Variants in ADAMTSL3 observed in about 807,000 individuals in gnomAD.
ADAMTSL3 encodes the protein ADAMTS-like protein 3.
Under a neutral mutation model 201.7 loss-of-function variants are expected in ADAMTSL3, and 128 were observed. That is an observed-to-expected ratio of 0.63 (90% CI 0.55 to 0.73). The LOEUF (loss-of-function observed/expected upper bound fraction) is 0.73, where lower values mean the gene tolerates loss of function less well. Ranked by LOEUF, ADAMTSL3 falls within the 30% of genes least tolerant of loss-of-function variation. The probability of loss-of-function intolerance (pLI) is 0.00; values close to 1 mark genes in which losing one functional copy is unlikely to be tolerated. For missense variants in ADAMTSL3, 1,990 were observed against 2,119.6 expected, an observed-to-expected ratio of 0.94 and a Z score of 1.20; for synonymous variants, 738 against 748.4, an observed-to-expected ratio of 0.99 and a Z score of 0.23.
At chr15:83,737,604 A>T (rs2141624326) in intron 3 of ADAMTSL3, among the ~76,000 whole-genome samples, 1 of 152,308 alleles carries the variant, frequency 6.6e-6, no homozygotes, top group South Asian at 2.1e-4. Context: ...TCTTTTCTTT[A>T]TAAGTTGCCC....
chr15:83,897,879 G>A lies in ADAMTSL3; in HGVS notation c.1489G>A (p.Gly497Arg). ...GAAGTGCACAGTGACTTGTGGCCGA[G>A]GGTTACGGTACCGGGTTGTTCTGTG... is the stretch of plus-strand genomic sequence containing the variant. ...WSQCTVTCGRGLRYRVVLCIN... is the reference protein window; with the variant it reads ...WSQCTVTCGRRLRYRVVLCIN... Residue 497 changes from glycine to arginine, a missense_variant, in exon 14 of 30, where the codon GGG becomes AGG. Transcript: ENST00000286744. 6.2e-7 allele frequency: 1 copy of A among 1,607,318 alleles called. No homozygotes were observed. Among genetic ancestry groups the A allele is most frequent in the Non-Finnish European group, 8.5e-7 (1 of 1,175,820 alleles).
rs2279925 is a variant in ADAMTSL3 at position 84,036,653 on chromosome 15, T to C, written c.4755-120T>C. The C allele has an allele frequency of 0.073, 52,319 of 714,224 alleles. 2,263 individuals are homozygous for C. Among genetic ancestry groups the C allele is most frequent in the East Asian group, 0.17 (6,428 of 36,878 alleles). The allele number at this position is 714,224 out of a possible 1,614,324, so 44.2% of individuals were successfully genotyped here. ...GCAGAGGAATGTCTTGGTCTTAGACTCTCCATCCAACCTTTAATACGTAGT... is the reference window on the plus strand; with the variant it reads ...GCAGAGGAATGTCTTGGTCTTAGACCCTCCATCCAACCTTTAATACGTAGT... On this transcript the variant is annotated intron_variant, in intron 28 of 29. Coordinates refer to ENST00000286744, the MANE Select transcript of ADAMTSL3 (RefSeq NM_207517.3).
chr15:83,675,332 G>A (rs1313797008), intron 2 of ADAMTSL3, among the ~76,000 whole-genome samples: 1 of 151,926 alleles, frequency 6.6e-6, no homozygotes. Flanking sequence ...TCATGAATAG[G>A]TGTTTAATTA....
intron 16 of ADAMTSL3, among the ~76,000 whole-genome samples, chr15:83,922,038 G>A (rs886249381): frequency 6.6e-6 from 1 of 152,148 alleles, no homozygotes; most frequent in Non-Finnish European, 1.5e-5. Flanking sequence ...AACACTTGAT[G>A]TATTATGTCC....
chr15:83,722,897 TA>T (rs1052772428), intron 3 of ADAMTSL3, among the ~76,000 whole-genome samples: 3 of 152,144 alleles, frequency 2.0e-5, no homozygotes, highest in Admixed American at 6.5e-5. Flanking sequence ...AATTTAACCA[TA>T]AAAACATAAA....
At chr15:83,975,028 G>T (rs558652474) in intron 20 of ADAMTSL3, among the ~76,000 whole-genome samples, 181 of 135,832 alleles carry the variant, frequency 1.3e-3, no homozygotes, top group African/African-American at 4.9e-3. Flanking sequence ...TTTTGAGACG[G>T]AGTCTCGCTC....
intron 7 of ADAMTSL3, among the ~76,000 whole-genome samples, chr15:83,842,282 C>G (rs1455324036): frequency 6.6e-6 from 1 of 152,004 alleles, no homozygotes; most frequent in East Asian, 2.0e-4. Context: ...ACCGAAAGCC[C>G]TCTGTCCTTG....
At chr15:83,811,197 G>C (rs1329756628) in intron 5 of ADAMTSL3, among the ~76,000 whole-genome samples, 1 of 152,180 alleles carries the variant, frequency 6.6e-6, no homozygotes, top group Non-Finnish European at 1.5e-5. Context: ...GCAGGTTCCA[G>C]GGGTTAGGTC....
intron 8 of ADAMTSL3, among the ~76,000 whole-genome samples, chr15:83,859,218 T>C (rs911448344): frequency 2.0e-5 from 3 of 152,222 alleles, no homozygotes; most frequent in Admixed American, 2.0e-4. Flanking sequence ...AGGTGGAATA[T>C]CTTGAAGTGG....
In ADAMTSL3 at chr15:83,849,743, G is replaced by GT. The variant is rs148252962; in HGVS notation, c.728-9022dup. 8.3e-3 allele frequency among the ~76,000 whole-genome samples: 1,269 copies of GT among 152,254 alleles called. 12 individuals carry two copies. Among genetic ancestry groups the GT allele is most frequent in the African/African-American group, 0.029 (1,217 of 41,554 alleles). Reference sequence around the variant, plus strand: ...GAAGGGTAAGATAAAGAAAGCGTGGGTAATAGTCTTTGTATCAGTGCAAGT... The same window carrying GT: ...GAAGGGTAAGATAAAGAAAGCGTGGGTTAATAGTCTTTGTATCAGTGCAAGT... On this transcript the variant is annotated intron_variant, in intron 7 of 29. Coordinates refer to ENST00000286744, the MANE Select transcript of ADAMTSL3 (RefSeq NM_207517.3).
intron 19 of ADAMTSL3, among the ~76,000 whole-genome samples, chr15:83,953,058 A>T (rs916243977): frequency 2.0e-5 from 3 of 152,134 alleles, no homozygotes; most frequent in African/African-American, 7.2e-5. Context: ...CAACAGATCA[A>T]TGGCTCTTGT....
intron 2 of ADAMTSL3, among the ~76,000 whole-genome samples, chr15:83,702,000 T>C (rs184657941): frequency 3.1e-4 from 47 of 152,244 alleles, no homozygotes; most frequent in Non-Finnish European, 5.6e-4. Context: ...TTTACCAAAA[T>C]GCTGATAATG....
chr15:84,006,006 G>A (rs1021467716), intron 23 of ADAMTSL3, among the ~76,000 whole-genome samples: 3 of 152,108 alleles, frequency 2.0e-5, no homozygotes, highest in Admixed American at 6.6e-5. Context: ...CATACATAAC[G>A]TATTTTTCAA....
chr15:83,864,248 C>T (rs1484598747), intron 8 of ADAMTSL3, among the ~76,000 whole-genome samples: 1 of 152,180 alleles, frequency 6.6e-6, no homozygotes, highest in East Asian at 1.9e-4. Flanking sequence ...AGGGAATCCT[C>T]CCTAACTCAT....
chr15:84,038,547 G>C lies in ADAMTSL3; in HGVS notation c.*741G>C, dbSNP rs1445966605. 1 of 152,620 alleles carries C rather than the reference G, an allele frequency of 6.6e-6. No individual in the cohort carries two copies. Among genetic ancestry groups the C allele is most frequent in the Non-Finnish European group, 1.5e-5 (1 of 68,028 alleles). 9.5% of individuals were successfully genotyped at this position (152,620 alleles called of 1,614,324 possible). ...TTCTACTGATTTCGTAGTATATTCAGAGCTTTCTTTTAAGAGCTGTGAATG... is the reference window on the plus strand; with the variant it reads ...TTCTACTGATTTCGTAGTATATTCACAGCTTTCTTTTAAGAGCTGTGAATG... On this transcript the variant is annotated 3_prime_UTR_variant, in exon 30 of 30. Transcript: ENST00000286744.
At chr15:83,733,839 A>C (rs923741853) in intron 3 of ADAMTSL3, among the ~76,000 whole-genome samples, 5 of 152,140 alleles carry the variant, frequency 3.3e-5, no homozygotes, top group South Asian at 2.1e-4. Flanking sequence ...ACTTTGAATG[A>C]CTTAGATAAT....
rs1165022505 is a variant in ADAMTSL3 at position 83,819,303 on chromosome 15, C to T, written c.364-508C>T. On this transcript the variant is annotated intron_variant, in intron 5 of 29. Transcript: ENST00000286744. ...AAAAACAATGACAAAGAAACAACCA[C>T]AAGTGCTCACAGAGCACAGCAGTTT... Among the ~76,000 whole-genome samples the T allele has an allele frequency of 2.0e-5, 3 of 150,084 alleles. No homozygotes were observed. In the East Asian group the frequency reaches 5.8e-4, roughly 29 times the overall value.
intron 3 of ADAMTSL3, among the ~76,000 whole-genome samples, chr15:83,760,332 C>T (rs1263593206): frequency 6.6e-6 from 1 of 152,004 alleles, no homozygotes; most frequent in Non-Finnish European, 1.5e-5. Context: ...TAGTTTTAAA[C>T]TTGCTTTTTT....
chr15:83,902,758 G>A (rs891625348), intron 15 of ADAMTSL3, among the ~76,000 whole-genome samples: 3 of 152,084 alleles, frequency 2.0e-5, no homozygotes, highest in Non-Finnish European at 2.9e-5. Context: ...CTTGCGGGCT[G>A]TTTCTTGCCC....
Sources: allele counts gnomAD v4.1 joint callset (sites outside exome capture counted in the v4.1 genomes callset), GRCh38; gene constraint gnomAD v4.1.1; transcripts MANE v1.5; gene names NCBI Gene and HGNC (gene_info 2026-07-23, HGNC 2026-07-21).